GRK5: variants seen among roughly 807,000 people sequenced by gnomAD.
GRK5 encodes the protein g protein-coupled receptor kinase GRK5.
A neutral mutation model predicts 78.4 loss-of-function variants in GRK5; 40 were observed. The observed-to-expected ratio is 0.51, with a 90% CI of 0.40 to 0.66. GRK5 has a LOEUF of 0.66. Ranked by LOEUF, GRK5 falls within the 30% of genes least tolerant of loss-of-function variation. The pLI, the probability that GRK5 is intolerant of heterozygous loss-of-function variation, is 0.00. For synonymous variants in GRK5, 289 were observed against 296.8 expected, an observed-to-expected ratio of 0.97 and a Z score of 0.27; for missense variants, 598 against 759.9, an observed-to-expected ratio of 0.79 and a Z score of 2.50.
At chr10:119,363,568 G>A (rs777430992) in intron 2 of GRK5, among the ~76,000 whole-genome samples, 1 of 152,294 alleles carries the variant, frequency 6.6e-6, no homozygotes, top group Middle Eastern at 3.4e-3. Context: ...GGTCTACTAG[G>A]GCTGCTATGG....
intron 3 of GRK5, among the ~76,000 whole-genome samples, chr10:119,381,631 G>T (rs1253864911): frequency 6.6e-6 from 1 of 152,198 alleles, no homozygotes; most frequent in African/African-American, 2.4e-5. Flanking sequence ...GCACCTGCCC[G>T]GGGAGCCTGG....
At chr10:119,223,519 CT>C (rs1402704771) in intron 1 of GRK5, among the ~76,000 whole-genome samples, 1 of 151,972 alleles carries the variant, frequency 6.6e-6, no homozygotes, top group Non-Finnish European at 1.5e-5. Context: ...GGTGGGTTTT[CT>C]GAGTGCCTTC....
chr10:119,391,742 A>G (rs935904134), intron 3 of GRK5, among the ~76,000 whole-genome samples: 10 of 152,198 alleles, frequency 6.6e-5, no homozygotes, highest in African/African-American at 2.4e-4. Flanking sequence ...TGGTCAGCAC[A>G]CACGAGAAGC....
intron 1 of GRK5, among the ~76,000 whole-genome samples, chr10:119,248,648 C>T (rs74585711): frequency 1.3e-5 from 2 of 152,128 alleles, no homozygotes; most frequent in East Asian, 3.9e-4. Flanking sequence ...GGCAAATCCA[C>T]CCCGCTGTGT....
In GRK5 at chr10:119,225,567, C is replaced by T. The variant is rs145643302; in HGVS notation, c.52+17598C>T. The stretch of plus-strand genomic sequence containing the variant: ...AAACCTCACCCAGTTCTGCATTCTC[C>T]TGCAAGGTTTGTCTAGATACTAGCT... On this transcript the variant is annotated intron_variant, in intron 1 of 15. Transcript: ENST00000392870. Among the ~76,000 whole-genome samples the T allele has an allele frequency of 2.1e-3, 321 of 152,248 alleles. 1 individual carries two copies. Among genetic ancestry groups the T allele is most frequent in the Middle Eastern group, 0.01 (3 of 294 alleles).
chr10:119,457,584 T>C lies in GRK5; in HGVS notation c.*2517T>C, dbSNP rs1430204965. 6.6e-6 allele frequency: 1 copy of C among 152,142 alleles called. No homozygotes were observed. Among genetic ancestry groups the C allele is most frequent in the Non-Finnish European group, 1.5e-5 (1 of 68,056 alleles). 9.4% of individuals were successfully genotyped at this position (152,142 alleles called of 1,614,324 possible). A position where few individuals can be genotyped will look rare whatever the true frequency, so the allele number is the denominator to read the frequency against. ...CTTTGTGGTAAGAGAAAGGAAGTCTTTAGAACAGCGCCTGGGAATCAGCCC... is the reference window on the plus strand; with the variant it reads ...CTTTGTGGTAAGAGAAAGGAAGTCTCTAGAACAGCGCCTGGGAATCAGCCC... On this transcript the variant is annotated 3_prime_UTR_variant, in exon 16 of 16. Transcript: ENST00000392870.
At chr10:119,294,741 C>T (rs1002096664) in intron 1 of GRK5, among the ~76,000 whole-genome samples, 1 of 152,188 alleles carries the variant, frequency 6.6e-6, no homozygotes, top group African/African-American at 2.4e-5. Flanking sequence ...TCTATTTTTA[C>T]AAATAAAGTT....
At chr10:119,393,370 A>AT (rs1184075835) in intron 3 of GRK5, among the ~76,000 whole-genome samples, 1 of 152,146 alleles carries the variant, frequency 6.6e-6, no homozygotes, top group African/African-American at 2.4e-5. Flanking sequence ...AAGGGATGTT[A>AT]TTTTTTTAAC....
At chr10:119,368,361 C>G (rs546628414) in intron 2 of GRK5, among the ~76,000 whole-genome samples, 1 of 152,294 alleles carries the variant, frequency 6.6e-6, no homozygotes, top group East Asian at 1.9e-4. Flanking sequence ...TGCCACGTCG[C>G]AGGTGCGGGG....
chr10:119,256,113 T>G (rs1849278907), intron 1 of GRK5, among the ~76,000 whole-genome samples: 1 of 151,768 alleles, frequency 6.6e-6, no homozygotes, highest in Admixed American at 6.6e-5. Context: ...TTGACAGTCC[T>G]CTGTCAGGAG....
chr10:119,287,240 AGGG>A (rs2133697651), intron 1 of GRK5, among the ~76,000 whole-genome samples: 3 of 134,188 alleles, frequency 2.2e-5, no homozygotes, highest in African/African-American at 5.6e-5. Flanking sequence ...GGAGAGAGGG[AGGG>A]AGGAAGGGAG....
rs967344314 is a variant in GRK5 at position 119,271,826 on chromosome 10, C to G, written c.53-54690C>G. ...GTGTGACGTTGGGGAAGTTGCTTGC[C>G]TAATATGTGTGTGTTTCCTCATCTG... is the stretch of plus-strand genomic sequence containing the variant. On this transcript the variant is annotated intron_variant, in intron 1 of 15. Transcript: ENST00000392870. The surrounding 1 kb of genome is among the most constrained non-coding windows in gnomAD (Gnocchi z 4.1). Among the ~76,000 whole-genome samples, 1 of 152,006 alleles carries G rather than the reference C, an allele frequency of 6.6e-6. No individual in the cohort carries two copies.
intron 1 of GRK5, among the ~76,000 whole-genome samples, chr10:119,258,394 G>A (rs768799145): frequency 2.6e-5 from 4 of 152,144 alleles, no homozygotes; most frequent in East Asian, 1.9e-4. Context: ...AAGCATTCAC[G>A]AACAGTTTTT....
intron 2 of GRK5, among the ~76,000 whole-genome samples, chr10:119,347,702 C>T (rs1487347575): frequency 6.6e-6 from 1 of 152,256 alleles, no homozygotes; most frequent in African/African-American, 2.4e-5. Context: ...GGCCTTAAGC[C>T]AGGCCTGGTT....
At chr10:119,254,455 T>C (rs1388971256) in intron 1 of GRK5, among the ~76,000 whole-genome samples, 1 of 152,204 alleles carries the variant, frequency 6.6e-6, no homozygotes. Context: ...CAGGCAGACC[T>C]GGTCCTTGTG....
At chr10:119,326,194 G>A (rs1191977420) in intron 1 of GRK5, among the ~76,000 whole-genome samples, 2 of 152,248 alleles carry the variant, frequency 1.3e-5, no homozygotes, top group African/African-American at 4.8e-5. Context: ...GGCAGGCCTG[G>A]CCCCTGCTGT....
chr10:119,279,790 A>G (rs1287472550), intron 1 of GRK5, among the ~76,000 whole-genome samples: 1 of 152,212 alleles, frequency 6.6e-6, no homozygotes, highest in Non-Finnish European at 1.5e-5. Context: ...TCCCTCGAGG[A>G]GCCTACTCCA....
rs190852531 is a variant in GRK5 at position 119,326,670 on chromosome 10, G to C, written c.148+59G>C. On this transcript the variant is annotated intron_variant, in intron 2 of 15. Coordinates refer to ENST00000392870, the MANE Select transcript of GRK5 (RefSeq NM_005308.3). ...TGAGTAGCAGGTGATCCGCCAAGCC[G>C]TTTGTGCATTAAGGCAAATGGGTGA... 194 of 1,350,496 alleles carry C rather than the reference G, an allele frequency of 1.4e-4. 1 individual carries two copies. The East Asian group carries it at 3.0e-3, about 21-fold the overall frequency. The allele number at this position is 1,350,496 out of a possible 1,614,324, so 83.7% of individuals were successfully genotyped here. A position where few individuals can be genotyped will look rare whatever the true frequency, so the allele number is the denominator to read the frequency against.
intron 2 of GRK5, among the ~76,000 whole-genome samples, chr10:119,338,684 G>T (rs572647451): frequency 2.6e-4 from 39 of 152,230 alleles, no homozygotes; most frequent in African/African-American, 9.4e-4. Context: ...GGGCCATTGG[G>T]AGCTCACCTA....
Sources: gnomAD v4.1 joint callset for allele counts (sites outside exome capture counted in the v4.1 genomes callset) on GRCh38, gnomAD v4.1.1 for gene constraint, Gnocchi (gnomAD v3.1) non-coding constraint, MANE v1.5 for transcripts, NCBI Gene and HGNC (gene_info 2026-07-23, HGNC 2026-07-21) for gene names.